COL5A1: variants seen among roughly 807,000 people sequenced by gnomAD.
COL5A1 encodes collagen type V alpha 1 chain, also known as collagen alpha-1(V) chain.
COL5A1 carries 16 observed loss-of-function variants against 263.7 expected under a neutral mutation model. The ratio of observed to expected loss-of-function variants is 0.06; its 90% CI spans 0.04 to 0.09. COL5A1 has a LOEUF of 0.09. COL5A1 is among the 10% of genes least tolerant of loss of function. The pLI is 1.00. For missense variants in COL5A1, 2,036 were observed against 2,540.5 expected, an observed-to-expected ratio of 0.80 and a Z score of 4.27; for synonymous variants, 1,012 against 1,004.5, an observed-to-expected ratio of 1.01 and a Z score of -0.14.
At chr9:134,687,258 G>C (rs1833109776) in intron 1 of COL5A1, among the ~76,000 whole-genome samples, 1 of 152,162 alleles carries the variant, frequency 6.6e-6, no homozygotes, top group Non-Finnish European at 1.5e-5. Flanking sequence ...CTCTCTGATT[G>C]GCAGATTCTA....
At chr9:134,831,341 G>A (rs563880012) in intron 64 of COL5A1, among the ~76,000 whole-genome samples, 1 of 152,350 alleles carries the variant, frequency 6.6e-6, no homozygotes, top group South Asian at 2.1e-4. Flanking sequence ...TGCTCACCGT[G>A]GCTGTGTTTC....
In COL5A1 at chr9:134,666,250, A is replaced by G. The variant is rs550912488; in HGVS notation, c.109+23954A>G. ...AAACTGTCGTTGCCATCCTTCATCC[A>G]CTCATTTTACAGGTGGGGAACCTGA... is the stretch of plus-strand genomic sequence containing the variant. On this transcript the variant is annotated intron_variant, in intron 1 of 65. Coordinates refer to ENST00000371817, the MANE Select transcript of COL5A1 (RefSeq NM_000093.5). Among the ~76,000 whole-genome samples the G allele has an allele frequency of 7.2e-5, 11 of 151,964 alleles. No individual in the cohort carries two copies. The East Asian group carries it at 2.1e-3, about 29-fold the overall frequency.
intron 37 of COL5A1, among the ~76,000 whole-genome samples, chr9:134,800,397 T>TA (rs1456571678): frequency 6.6e-6 from 1 of 152,200 alleles, no homozygotes; most frequent in African/African-American, 2.4e-5. Flanking sequence ...ACGATCATTC[T>TA]AGCCCACAGC....
chr9:134,817,000 C>T (rs1838778223), intron 52 of COL5A1, 26 bp from the exon 53 acceptor site: 1 of 1,611,570 alleles, frequency 6.2e-7, no homozygotes, highest in Non-Finnish European at 8.5e-7. Context: ...CAATTCCTCA[C>T]ACTCTGTTCT....
intron 26 of COL5A1, among the ~76,000 whole-genome samples, chr9:134,773,434 A>G (rs1165988313): frequency 2.6e-5 from 4 of 151,952 alleles, no homozygotes; most frequent in African/African-American, 9.7e-5. Flanking sequence ...GCCAGTGGGG[A>G]CTGCTCTTGC....
At chr9:134,783,332 G>A (rs552547175) in intron 29 of COL5A1, among the ~76,000 whole-genome samples, 18 of 152,218 alleles carry the variant, frequency 1.2e-4, no homozygotes, top group Non-Finnish European at 1.9e-4. Context: ...AGAGAAAGCC[G>A]GTGGGTGCTG....
At chr9:134,724,698 G>A (rs1023410080) in intron 4 of COL5A1, among the ~76,000 whole-genome samples, 3 of 152,230 alleles carry the variant, frequency 2.0e-5, no homozygotes, top group Admixed American at 6.5e-5. Context: ...TGACTCGCCA[G>A]GGTCAGAAGT....
chr9:134,789,246 G>A lies in COL5A1; in HGVS notation c.2700+38G>A, dbSNP rs373636275. 2.6e-3 allele frequency: 4,031 copies of A among 1,575,098 alleles called. 13 individuals are homozygous for A. Among genetic ancestry groups the A allele is most frequent in the Non-Finnish European group, 3.0e-3 (3,436 of 1,147,116 alleles). ...TGGCCCCTGGGCAGGCAGCTTGTTC[G>A]GCTGCCTCGGTGCCTAGCAAGTTGG... On this transcript the variant is annotated intron_variant, in intron 32 of 65. Coordinates refer to ENST00000371817, the MANE Select transcript of COL5A1 (RefSeq NM_000093.5). This position sits in a 1 kb window ranked among gnomAD's most constrained non-coding sequence, Gnocchi z 4.8.
At chr9:134,837,824 C>T (rs1588618037) in intron 65 of COL5A1, among the ~76,000 whole-genome samples, 1 of 152,146 alleles carries the variant, frequency 6.6e-6, no homozygotes, top group African/African-American at 2.4e-5. Flanking sequence ...CAAGTGTTCC[C>T]TTCTTTCTAC....
chr9:134,719,919 G>A (rs1490406389), intron 4 of COL5A1, among the ~76,000 whole-genome samples: 2 of 152,176 alleles, frequency 1.3e-5, no homozygotes, highest in African/African-American at 2.4e-5. Flanking sequence ...GCTGGGCAGG[G>A]CATCAGGTTG....
rs199900797 is a variant in COL5A1, at chr9:134,760,676, A to AC, written c.1936-1243dup. Among the ~76,000 whole-genome samples, 397 of 97,758 alleles carry AC rather than the reference A, an allele frequency of 4.1e-3. 2 individuals are homozygous for AC. The highest frequency in any genetic ancestry group is 6.6e-3 in the Non-Finnish European group (329 of 49,926). The allele number at this position is 97,758 out of a possible 152,430, so 64.1% of individuals were successfully genotyped here. ...GCACACACACACACCACACATGCAC[A>AC]CCCCCCACACTCATACATGCACACA... On this transcript the variant is annotated intron_variant, in intron 18 of 65. Coordinates refer to ENST00000371817, the MANE Select transcript of COL5A1 (RefSeq NM_000093.5).
In COL5A1 at chr9:134,766,166, C is replaced by T. The variant is rs79878246; in HGVS notation, c.2089-288C>T. On this transcript the variant is annotated intron_variant, in intron 21 of 65. Transcript: ENST00000371817. ...GCTCCCCCAGGGCCAGGCCTGCCCC[C>T]TTCAGCCTTCCCAGCCCCGTGACCT... Among the ~76,000 whole-genome samples, 8,611 of 152,274 alleles carry T rather than the reference C, an allele frequency of 0.057. 479 individuals are homozygous for T. Among genetic ancestry groups the T allele is most frequent in the East Asian group, 0.27 (1,411 of 5,168 alleles).
intron 16 of COL5A1, 124 bp from the exon 17 acceptor site, chr9:134,756,641 G>A (rs544270686): frequency 9.2e-6 from 10 of 1,084,392 alleles, no homozygotes; most frequent in African/African-American, 7.7e-5. Context: ...CACTCGGGCT[G>A]TGACCTTGGG....
intron 4 of COL5A1, among the ~76,000 whole-genome samples, chr9:134,724,000 T>C (rs1279523916): frequency 6.6e-6 from 1 of 152,164 alleles, no homozygotes; most frequent in African/African-American, 2.4e-5. Flanking sequence ...AGCCGTTTCC[T>C]GTTGAGCCCC....
chr9:134,732,780 T>C lies in COL5A1; in HGVS notation c.1389+653T>C, dbSNP rs553891883. The C allele has an allele frequency of 9.4e-5, 15 of 159,004 alleles. No homozygotes were observed. In the South Asian group the frequency reaches 2.8e-3, roughly 29 times the overall value. The allele number at this position is 159,004 out of a possible 1,614,324, so 9.8% of individuals were successfully genotyped here. On this transcript the variant is annotated intron_variant, in intron 9 of 65. Transcript: ENST00000371817. ...GGGACTGTAGCGAGGACGTTCTAGA[T>C]GCCCCTCCTGGTTGGCGCGTTTGGT...
intron 20 of COL5A1, among the ~76,000 whole-genome samples, chr9:134,764,902 G>A (rs1836600764): frequency 1.3e-5 from 2 of 152,294 alleles, no homozygotes; most frequent in South Asian, 2.1e-4. Flanking sequence ...GGCAGTAAGT[G>A]GGGGAAGGAG....
rs145429817 is a variant in COL5A1 at position 134,785,112 on chromosome 9, C to G, written c.2592+16C>G. The G allele has an allele frequency of 6.7e-4, 1,064 of 1,593,130 alleles. 11 individuals carry two copies. In the African/African-American group the frequency reaches 0.012, roughly 19 times the overall value. ...TGGGGAGAAGGTTTGTGATGTGGGA[C>G]GTTCAGCCACTTTCTTGGGAGGGAT... On this transcript the variant is annotated intron_variant, in intron 30 of 65. Transcript: ENST00000371817.
intron 65 of COL5A1, among the ~76,000 whole-genome samples, chr9:134,836,917 A>G (rs1183945809): frequency 2.6e-5 from 4 of 152,232 alleles, no homozygotes; most frequent in Non-Finnish European, 5.9e-5. Context: ...ACTGTGGAAT[A>G]TGCAGAACTC....
At chr9:134,825,600 G>A (rs886870379) in intron 62 of COL5A1, among the ~76,000 whole-genome samples, 192 bp from the exon 63 acceptor site, 3 of 152,170 alleles carry the variant, frequency 2.0e-5, no homozygotes, top group African/African-American at 7.2e-5. Flanking sequence ...GAATGAGTTT[G>A]TCCACATCTC....
Sources: gnomAD v4.1 joint callset for allele counts (sites outside exome capture counted in the v4.1 genomes callset) on GRCh38, gnomAD v4.1.1 for gene constraint, Gnocchi (gnomAD v3.1) non-coding constraint, MANE v1.5 for transcripts, NCBI Gene and HGNC (gene_info 2026-07-23, HGNC 2026-07-21) for gene names.